The following AFG2A variants were observed in gnomAD, a reference collection of about 807,000 sequenced individuals.
AFG2A encodes the protein ATPase family gene 2 protein homolog A.
chr4:123,308,893 T>G, the AFG2A span, among the ~76,000 whole-genome samples: 1 of 152,168 alleles, frequency 6.6e-6, no homozygotes, highest in Non-Finnish European at 1.5e-5. Context: ...TTGCTGCCCT[T>G]TGACCCATTA....
chr4:123,114,250 C>G, the AFG2A span, among the ~76,000 whole-genome samples: 1 of 152,186 alleles, frequency 6.6e-6, no homozygotes, highest in Non-Finnish European at 1.5e-5. Flanking sequence ...AGTCCCCACT[C>G]TGGTCCGCAG....
chr4:123,246,630 T>C, the AFG2A span, among the ~76,000 whole-genome samples: 2 of 152,142 alleles, frequency 1.3e-5, no homozygotes. Context: ...AACCAGATGA[T>C]ACCACTGTCT....
chr4:123,117,378 T>G, the AFG2A span, among the ~76,000 whole-genome samples: 2 of 151,134 alleles, frequency 1.3e-5, no homozygotes, highest in African/African-American at 2.4e-5. Context: ...AAGTTAAGGA[T>G]TTACAAAATG....
the AFG2A span, among the ~76,000 whole-genome samples, chr4:123,235,988 A>C: frequency 6.6e-6 from 1 of 152,326 alleles, no homozygotes; most frequent in South Asian, 2.1e-4. Flanking sequence ...AAAATAACTC[A>C]AAATGAACTT....
the AFG2A span, chr4:122,947,322 TAA>T: frequency 6.2e-7 from 1 of 1,613,970 alleles, no homozygotes; most frequent in South Asian, 1.1e-5. Flanking sequence ...GGCGATTTGA[TAA>T]AGAGATTGAG....
At chr4:123,318,836 T>C in the AFG2A span, 1 of 151,988 alleles carries the variant, frequency 6.6e-6, no homozygotes, top group South Asian at 2.1e-4. Flanking sequence ...ACATGGTATA[T>C]AGTTCATGGA....
At chr4:123,124,506 G>A in the AFG2A span, among the ~76,000 whole-genome samples, 1 of 151,974 alleles carries the variant, frequency 6.6e-6, no homozygotes, top group South Asian at 2.1e-4. Context: ...GGGGAGAGGG[G>A]AGGGATAGCA....
chr4:122,979,600 A>T, the AFG2A span, among the ~76,000 whole-genome samples: 5 of 152,228 alleles, frequency 3.3e-5, no homozygotes, highest in African/African-American at 1.2e-4. Context: ...CAGTGGCAAC[A>T]TTTTGCAAAA....
chr4:123,057,472 A>G, the AFG2A span, among the ~76,000 whole-genome samples: 4 of 152,168 alleles, frequency 2.6e-5, no homozygotes, highest in East Asian at 7.7e-4. Flanking sequence ...TAATTACTGT[A>G]TAGTACTTTT....
At chr4:123,091,044 G>A in the AFG2A span, among the ~76,000 whole-genome samples, 4 of 152,228 alleles carry the variant, frequency 2.6e-5, no homozygotes, top group African/African-American at 9.6e-5. Context: ...TTGCACTGCA[G>A]CTGAGGGCCT....
the AFG2A span, among the ~76,000 whole-genome samples, chr4:123,023,293 G>C: frequency 6.6e-6 from 1 of 152,080 alleles, no homozygotes; most frequent in African/African-American, 2.4e-5. Flanking sequence ...GGGTTCAACT[G>C]TAATCCAAAC....
chr4:122,928,103 C>A, the AFG2A span, among the ~76,000 whole-genome samples: 1 of 152,194 alleles, frequency 6.6e-6, no homozygotes, highest in Admixed American at 6.5e-5. Context: ...CTGTCTATGA[C>A]TCTGCTGGGC....
chr4:123,263,518 C>T, the AFG2A span, among the ~76,000 whole-genome samples: 1 of 152,150 alleles, frequency 6.6e-6, no homozygotes, highest in Non-Finnish European at 1.5e-5. Flanking sequence ...GTAACTTTAA[C>T]ATTTACCTCA....
chr4:122,990,684 G>A, the AFG2A span, among the ~76,000 whole-genome samples: 1 of 152,072 alleles, frequency 6.6e-6, no homozygotes, highest in Non-Finnish European at 1.5e-5. Flanking sequence ...AAATTTCTCT[G>A]CTCAAACGAT....
At chr4:123,233,575 C>T in the AFG2A span, among the ~76,000 whole-genome samples, 3 of 152,050 alleles carry the variant, frequency 2.0e-5, no homozygotes, top group Admixed American at 2.0e-4. Flanking sequence ...GGTTGGAAAT[C>T]ATGCCTTTCC....
At chr4:123,167,705 A>C in the AFG2A span, among the ~76,000 whole-genome samples, 8 of 152,274 alleles carry the variant, frequency 5.3e-5, no homozygotes, top group African/African-American at 1.9e-4. Flanking sequence ...AAATACCTCA[A>C]ACTTCTATGA....
chr4:123,170,815 T>C, the AFG2A span, among the ~76,000 whole-genome samples: 1 of 152,158 alleles, frequency 6.6e-6, no homozygotes, highest in Non-Finnish European at 1.5e-5. Context: ...AGTTTCTTTC[T>C]TAACTTTTTG....
chr4:123,175,143 G>A, the AFG2A span, among the ~76,000 whole-genome samples: 1 of 151,838 alleles, frequency 6.6e-6, no homozygotes, highest in Non-Finnish European at 1.5e-5. Flanking sequence ...AAACTATCAG[G>A]GATACATTTT....
At chr4:123,204,088 C>T in the AFG2A span, among the ~76,000 whole-genome samples, 4,683 of 152,260 alleles carry the variant, frequency 0.031, 129 homozygotes, top group Non-Finnish European at 0.042. Context: ...CTCCCTTTTC[C>T]ACTTTTAATT....
Sources: allele counts gnomAD v4.1 joint callset (sites outside exome capture counted in the v4.1 genomes callset), GRCh38; gene constraint gnomAD v4.1.1; transcripts MANE v1.5; gene names NCBI Gene and HGNC (gene_info 2026-07-23, HGNC 2026-07-21).